Variants in USH2A observed in about 807,000 individuals in gnomAD.
USH2A encodes the protein Usher syndrome 2A (autosomal recessive, mild).
In USH2A, 443 loss-of-function variants were observed where a neutral mutation model predicts 538.9. That is an observed-to-expected ratio of 0.82 (90% CI 0.76 to 0.89). The LOEUF (loss-of-function observed/expected upper bound fraction) is 0.89. Ranked by LOEUF, USH2A falls within the 40% of genes least tolerant of loss-of-function variation. The probability of loss-of-function intolerance (pLI) is 0.00; values close to 1 mark genes in which losing one functional copy is unlikely to be tolerated. For missense variants in USH2A, 6,633 were observed against 6,324.8 expected (o/e 1.05, Z -1.65); for synonymous variants, 2,413 against 2,273.5 (o/e 1.06, Z -1.75).
At chr1:215,818,703 A>G (rs1300793293) in intron 47 of USH2A, among the ~76,000 whole-genome samples, 1 of 151,858 alleles carries the variant, frequency 6.6e-6, no homozygotes, top group Non-Finnish European at 1.5e-5. Flanking sequence ...AGCTGTTCAC[A>G]GAGGAGACAA....
At chr1:215,657,900 CACTGTGAAAT>C (rs1207277602) in intron 64 of USH2A, among the ~76,000 whole-genome samples, 1 of 151,164 alleles carries the variant, frequency 6.6e-6, no homozygotes. Context: ...ACTGACCTAA[CACTGTGAAAT>C]ACTGAAATTT....
intron 54 of USH2A, 83 bp downstream of exon 54, chr1:215,781,959 T>C (rs893027696): frequency 6.3e-7 from 1 of 1,587,540 alleles, no homozygotes; most frequent in East Asian, 2.2e-5. Flanking sequence ...TTTTCTTCAA[T>C]GAAAAAAGCA....
intron 60 of USH2A, among the ~76,000 whole-genome samples, chr1:215,740,525 C>G (rs979970228): frequency 2.0e-5 from 3 of 152,152 alleles, no homozygotes; most frequent in African/African-American, 7.2e-5. Context: ...GGAGTGGAGG[C>G]TCATTAAAAC....
Position 215,625,875 on chromosome 1 carries a change from AAAAT to A in USH2A, c.15520-9_15520-6del, listed in dbSNP as rs1656003475. ...CAGGTCCTCTTCATCCACATACTGA[AAAAT>A]AAGCCAATCATCATTGGCTACATAC... On this transcript the variant is annotated splice_region_variant and splice_polypyrimidine_tract_variant and intron_variant, in intron 71 of 71. Coordinates refer to ENST00000307340, the MANE Select transcript of USH2A (RefSeq NM_206933.4). 2 of 1,613,632 alleles carry A rather than the reference AAAAT, an allele frequency of 1.2e-6. No individual in the cohort carries two copies. Among genetic ancestry groups the A allele is most frequent in the Admixed American group, 1.7e-5 (1 of 60,006 alleles).
At chr1:215,678,339 A>G (rs1254451966) in intron 62 of USH2A, among the ~76,000 whole-genome samples, 4 of 152,062 alleles carry the variant, frequency 2.6e-5, no homozygotes, top group African/African-American at 9.7e-5. Flanking sequence ...AGTCCCTCCA[A>G]CCTCTTCTAG....
intron 47 of USH2A, among the ~76,000 whole-genome samples, chr1:215,834,760 C>T (rs1934430): frequency 0.054 from 8,155 of 151,018 alleles, 340 homozygotes; most frequent in African/African-American, 0.12. Flanking sequence ...TTCTGGGATA[C>T]TTTCTTGTCT....
At chr1:216,145,783 T>G (rs1353946105) in intron 21 of USH2A, among the ~76,000 whole-genome samples, 1 of 152,132 alleles carries the variant, frequency 6.6e-6, no homozygotes, top group Admixed American at 6.5e-5. Flanking sequence ...CTGATGACAT[T>G]ACCTCGTGAA....
At chr1:216,351,897 T>C (rs1238294576) in intron 4 of USH2A, among the ~76,000 whole-genome samples, 1 of 152,112 alleles carries the variant, frequency 6.6e-6, no homozygotes, top group Non-Finnish European at 1.5e-5. Context: ...CTCCAAATCT[T>C]TTTCTCTGTC....
intron 44 of USH2A, 94 bp from the exon 45 acceptor site, chr1:215,846,127 A>G: frequency 1.7e-6 from 2 of 1,185,034 alleles, no homozygotes; most frequent in African/African-American, 1.5e-5. Flanking sequence ...TGAGAAAAAA[A>G]GAAGTTTAGA....
At chr1:215,948,191 A>G (rs1666804805) in intron 37 of USH2A, among the ~76,000 whole-genome samples, 1 of 151,960 alleles carries the variant, frequency 6.6e-6, no homozygotes, top group Admixed American at 6.6e-5. Context: ...AATGCTTCCA[A>G]TAGTTTTGCT....
At chr1:215,684,415 A>G (rs1658341634) in intron 61 of USH2A, among the ~76,000 whole-genome samples, 1 of 152,190 alleles carries the variant, frequency 6.6e-6, no homozygotes, top group Non-Finnish European at 1.5e-5. Context: ...AGCTGTCAAT[A>G]AAAGGCTGTG....
chr1:216,187,966 C>G (rs1383538511), intron 20 of USH2A, among the ~76,000 whole-genome samples: 1 of 151,906 alleles, frequency 6.6e-6, no homozygotes, highest in African/African-American at 2.4e-5. Flanking sequence ...TATGAATAAA[C>G]TCTTATTTTT....
intron 56 of USH2A, among the ~76,000 whole-genome samples, chr1:215,764,279 G>C (rs1661065007): frequency 6.6e-6 from 1 of 152,082 alleles, no homozygotes; most frequent in Non-Finnish European, 1.5e-5. Context: ...GAAGGGCAGA[G>C]GAAGAGGAAT....
chr1:216,210,833 T>G (rs2035224394), intron 15 of USH2A, among the ~76,000 whole-genome samples: 1 of 151,958 alleles, frequency 6.6e-6, no homozygotes, highest in Non-Finnish European at 1.5e-5. Context: ...ATACAAAAAT[T>G]AGCTGGGCAT....
chr1:215,679,598 G>A (rs1427141123), intron 62 of USH2A, among the ~76,000 whole-genome samples: 2 of 152,176 alleles, frequency 1.3e-5, no homozygotes, highest in Admixed American at 6.5e-5. Context: ...TGTACTCATG[G>A]GCTGGCAGAG....
At chr1:215,764,803 G>T (rs1661080554) in intron 56 of USH2A, among the ~76,000 whole-genome samples, 1 of 151,952 alleles carries the variant, frequency 6.6e-6, no homozygotes, top group South Asian at 2.1e-4. Context: ...GATTGCTAAG[G>T]TGTTCCCAAG....
intron 37 of USH2A, among the ~76,000 whole-genome samples, chr1:215,953,369 T>G (rs539899416): frequency 1.3e-5 from 2 of 152,254 alleles, no homozygotes; most frequent in South Asian, 2.1e-4. Flanking sequence ...AAAACAGACA[T>G]AGACCAATAG....
intron 21 of USH2A, among the ~76,000 whole-genome samples, chr1:216,103,498 G>A (rs1163587955): frequency 6.6e-6 from 1 of 152,052 alleles, no homozygotes; most frequent in Non-Finnish European, 1.5e-5. Flanking sequence ...GCTATTGTAA[G>A]AACAAAAAGA....
chr1:215,819,435 G>A (rs1662948786), intron 47 of USH2A, among the ~76,000 whole-genome samples: 1 of 151,660 alleles, frequency 6.6e-6, no homozygotes, highest in Admixed American at 6.6e-5. Context: ...TTTCAGTTTT[G>A]TGGGGGTACA....
Sources: allele counts gnomAD v4.1 joint callset (sites outside exome capture counted in the v4.1 genomes callset), GRCh38; gene constraint gnomAD v4.1.1; transcripts MANE v1.5; gene names NCBI Gene and HGNC (gene_info 2026-07-23, HGNC 2026-07-21).